SH3TC1: variants seen among roughly 807,000 people sequenced by gnomAD.
SH3TC1 encodes the protein SH3 domain and tetratricopeptide repeats 1, also known as SH3 domain and tetratricopeptide repeat-containing protein 1.
Under a neutral mutation model 117.3 loss-of-function variants are expected in SH3TC1, and 135 were observed. That is an observed-to-expected ratio of 1.15 (90% CI 1.00 to 1.33). The LOEUF (loss-of-function observed/expected upper bound fraction) is 1.33. Ranked by LOEUF, SH3TC1 falls within the 40% of genes most tolerant of loss-of-function variation. The pLI is 0.00. For synonymous variants in SH3TC1, 898 were observed against 816.9 expected, an observed-to-expected ratio of 1.10 and a Z score of -1.69; for missense variants, 2,092 against 1,794.3, an observed-to-expected ratio of 1.17 and a Z score of -3.00.
Position 8,226,976 on chromosome 4 carries a change from G to T in SH3TC1, c.1286-4G>T. 6.5e-7 allele frequency: 1 copy of T among 1,527,116 alleles called. No individual in the cohort carries two copies. The highest frequency in any genetic ancestry group is 8.8e-7 in the Non-Finnish European group (1 of 1,136,326). The allele number at this position is 1,527,116 out of a possible 1,614,324, so 94.6% of individuals were successfully genotyped here. A position where few individuals can be genotyped will look rare whatever the true frequency, so the allele number is the denominator to read the frequency against. On this transcript the variant is annotated splice_polypyrimidine_tract_variant and splice_region_variant and intron_variant, in intron 11 of 17. Transcript: ENST00000245105. ...ATCTGTCTAGGTGTTTTTGTGACTT[G>T]CAGAAATACCTCCACCTTGCCTGAG...
rs1380293532 is a variant in SH3TC1 at position 8,205,407 on chromosome 4, C to G, written c.172+41C>G. 1.3e-6 allele frequency: 2 copies of G among 1,519,930 alleles called. No individual in the cohort carries two copies. Among genetic ancestry groups the G allele is most frequent in the African/African-American group, 2.8e-5 (2 of 72,492 alleles). 94.2% of individuals were successfully genotyped at this position (1,519,930 alleles called of 1,614,324 possible). ...CCTCACCACCCGCCCTCCATCCCAC[C>G]CACTTCTCCACCCCACCCGCCCCGT... is the stretch of plus-strand genomic sequence containing the variant. On this transcript the variant is annotated intron_variant, in intron 2 of 17. Transcript: ENST00000245105. The surrounding 1 kb of genome is among the most constrained non-coding windows in gnomAD (Gnocchi z 5.4).
intron 4 of SH3TC1, 192 bp downstream of exon 4, chr4:8,213,020 C>A: frequency 1.4e-6 from 1 of 705,722 alleles, no homozygotes; most frequent in East Asian, 2.9e-5. Context: ...CTCCCACTTG[C>A]TTTGTGGAGG....
chr4:8,191,365 G>A (rs931086228), intron 1 of SH3TC1, among the ~76,000 whole-genome samples: 7 of 152,234 alleles, frequency 4.6e-5, no homozygotes, highest in Non-Finnish European at 1.0e-4. Context: ...ACTTCCTGCA[G>A]GCCTCCGACC....
In SH3TC1 at chr4:8,190,677, G is replaced by C. The variant is rs140782082; in HGVS notation, c.-57+8467G>C. 7.9e-5 allele frequency among the ~76,000 whole-genome samples: 12 copies of C among 152,098 alleles called. No homozygotes were observed. Among genetic ancestry groups the C allele is most frequent in the Admixed American group, 7.2e-4 (11 of 15,272 alleles). ...TTTTTTGGAGACAGAGCCTGGCTCT[G>C]TCGCCCAGGCTGGAGTGCAGTAGTG... On this transcript the variant is annotated intron_variant, in intron 1 of 16. Coordinates refer to the SH3TC1 transcript ENST00000508641. The surrounding 1 kb of genome is among the most constrained non-coding windows in gnomAD (Gnocchi z 4.7).
intron 1 of SH3TC1, among the ~76,000 whole-genome samples, chr4:8,189,787 C>T (rs1366964445): frequency 6.6e-6 from 1 of 152,140 alleles, no homozygotes; most frequent in Admixed American, 6.5e-5. Context: ...CTGGGGACCT[C>T]AGTGAAAGCA....
At position 8,209,375 on chromosome 4, in the gene SH3TC1, A is replaced by AGG. The variant is rs1718455683; in HGVS notation, c.173-371_173-370dup. On this transcript the variant is annotated intron_variant, in intron 2 of 17. Transcript: ENST00000245105. The surrounding 1 kb of genome is among the most constrained non-coding windows in gnomAD (Gnocchi z 5.9). ...AAGTAGAAGTGGCGGCCACAAGCCG[A>AGG]GGGACGTGTGCGGCCTCTTGAAGGC... Among the ~76,000 whole-genome samples the AGG allele has an allele frequency of 2.0e-5, 3 of 152,194 alleles. No individual in the cohort carries two copies. The South Asian group carries it at 6.2e-4, about 31-fold the overall frequency.
chr4:8,231,809 C>A, intron 12 of SH3TC1, 167 bp from the exon 13 acceptor site: 1 of 718,626 alleles, frequency 1.4e-6, no homozygotes, highest in East Asian at 2.7e-5. Flanking sequence ...CCATGGGCAT[C>A]TGCACCAAGC....
rs1254190891 is a variant in SH3TC1 at position 8,183,451 on chromosome 4, C to T, written c.-57+1241C>T. On this transcript the variant is annotated intron_variant, in intron 1 of 16. Transcript: ENST00000508641. This position sits in a 1 kb window ranked among gnomAD's most constrained non-coding sequence, Gnocchi z 5.4. ...TAGAGGGAGGCGTGGCCCAGGGAGGCTCCCGGGCTGGCCTGAGGCCCATGG... is the reference window on the plus strand; with the variant it reads ...TAGAGGGAGGCGTGGCCCAGGGAGGTTCCCGGGCTGGCCTGAGGCCCATGG... Among the ~76,000 whole-genome samples the T allele has an allele frequency of 6.6e-6, 1 of 152,170 alleles. No homozygotes were observed. Among genetic ancestry groups the T allele is most frequent in the Admixed American group, 6.5e-5 (1 of 15,286 alleles).
intron 9 of SH3TC1, among the ~76,000 whole-genome samples, chr4:8,222,617 G>A (rs1257837499): frequency 6.6e-6 from 1 of 151,722 alleles, no homozygotes; most frequent in South Asian, 2.1e-4. Flanking sequence ...CAAGTGATCC[G>A]CCCACCTCAG....
chr4:8,210,078 GC>G lies in SH3TC1; in HGVS notation c.247+257del, dbSNP rs1178650908. Among the ~76,000 whole-genome samples, 4 of 152,302 alleles carry G rather than the reference GC, an allele frequency of 2.6e-5. No homozygotes were observed. Among genetic ancestry groups the G allele is most frequent in the African/African-American group, 9.6e-5 (4 of 41,582 alleles). ...ACAAACGGCAGACACGGTCCTGGGGGCTCCGTGGGTGACACCCCAGGGAGGG... is the reference window on the plus strand; with the variant it reads ...ACAAACGGCAGACACGGTCCTGGGGGTCCGTGGGTGACACCCCAGGGAGGG... On this transcript the variant is annotated intron_variant, in intron 3 of 17. Coordinates refer to ENST00000245105, the MANE Select transcript of SH3TC1 (RefSeq NM_018986.5). This position sits in a 1 kb window ranked among gnomAD's most constrained non-coding sequence, Gnocchi z 4.1.
At chr4:8,184,507 G>A (rs1400733549) in intron 1 of SH3TC1, among the ~76,000 whole-genome samples, 1 of 152,198 alleles carries the variant, frequency 6.6e-6, no homozygotes, top group East Asian at 1.9e-4. Context: ...AGTCTCCTGA[G>A]TAGCTGGGAC....
At chr4:8,217,641 C>T (rs1719430661) in intron 7 of SH3TC1, among the ~76,000 whole-genome samples, 1 of 152,204 alleles carries the variant, frequency 6.6e-6, no homozygotes, top group African/African-American at 2.4e-5. Context: ...ACCTCAATCT[C>T]TTGATTTGCA....
intron 12 of SH3TC1, 41 bp downstream of exon 12, chr4:8,228,685 T>G (rs928076601): frequency 1.4e-6 from 2 of 1,393,812 alleles, no homozygotes; most frequent in South Asian, 1.5e-5. Flanking sequence ...CCGGGGCCAC[T>G]CGGGTCAGGG....
intron 13 of SH3TC1, chr4:8,232,610 G>A: frequency 7.5e-7 from 1 of 1,334,408 alleles, no homozygotes; most frequent in Non-Finnish European, 9.9e-7. Context: ...CCTGGGGCAG[G>A]GTTTCAAGGT....
chr4:8,214,501 C>T lies in SH3TC1; in HGVS notation c.402C>T (p.Ile134=), dbSNP rs1719044673. 1 of 1,613,856 alleles carries T rather than the reference C, an allele frequency of 6.2e-7. No individual in the cohort carries two copies. Among genetic ancestry groups the T allele is most frequent in the Non-Finnish European group, 8.5e-7 (1 of 1,179,972 alleles). Residue 134 remains isoleucine (I), a synonymous_variant, in exon 5 of 18, where the codon ATC becomes ATT. Coordinates refer to ENST00000245105, the MANE Select transcript of SH3TC1 (RefSeq NM_018986.5). The stretch of plus-strand genomic sequence containing the variant: ...AATTATCAGCCAGGCTGCTGTCCAT[C>T]CACAGTGACCAGGACCGGATCGTGG... ...LGELSARLLS[I]HSDQDRIVVT...
intron 1 of SH3TC1, among the ~76,000 whole-genome samples, chr4:8,203,172 G>A (rs1439885848): frequency 3.3e-5 from 5 of 152,234 alleles, no homozygotes; most frequent in East Asian, 3.8e-4. Context: ...GGCCCGAGCC[G>A]AGAGCAGTGC....
At chr4:8,233,847 C>T (rs925327531) in intron 14 of SH3TC1, among the ~76,000 whole-genome samples, 1 of 151,050 alleles carries the variant, frequency 6.6e-6, no homozygotes, top group Admixed American at 6.6e-5. Flanking sequence ...AGGCATCCAT[C>T]CTTCCATCAT....
intron 14 of SH3TC1, among the ~76,000 whole-genome samples, chr4:8,234,192 A>C (rs1721577852): frequency 7.3e-6 from 1 of 136,862 alleles, no homozygotes; most frequent in Non-Finnish European, 1.6e-5. Flanking sequence ...TCATCCATCC[A>C]TTCATCCATC....
rs779735031 is a variant in SH3TC1, at chr4:8,237,630, T to C, written c.3713T>C (p.Val1238Ala). The change falls in exon 17 of 18, where the codon GTG (valine) becomes GCG (alanine). Residue 1238 changes from valine (V) to alanine (A), a missense_variant. Physicochemically the swap from Val to Ala is moderately conservative, Grantham distance 64. Coordinates refer to ENST00000245105, the MANE Select transcript of SH3TC1 (RefSeq NM_018986.5). ...FDEETLYYVK[V>A]YLVLGDIIFY... ...GAGGAGACCCTCTACTACGTGAAGG[T>C]GTACCTGGTGCTCGGTGACATCATC... 1.2e-6 allele frequency: 2 copies of C among 1,610,596 alleles called. No individual in the cohort carries two copies. The highest frequency in any genetic ancestry group is 1.1e-5 in the South Asian group (1 of 90,560).
Sources: allele counts gnomAD v4.1 joint callset (sites outside exome capture counted in the v4.1 genomes callset), GRCh38; gene constraint gnomAD v4.1.1; non-coding constraint Gnocchi (gnomAD v3.1); transcripts MANE v1.5; gene names NCBI Gene and HGNC (gene_info 2026-07-23, HGNC 2026-07-21).